UNC5D: variants seen among roughly 807,000 people sequenced by gnomAD.
UNC5D encodes netrin receptor UNC5D.
UNC5D carries 39 observed loss-of-function variants against 105.4 expected under a neutral mutation model. The observed-to-expected ratio is 0.37, with a 90% CI of 0.29 to 0.48. UNC5D has a LOEUF of 0.48. Among genes scored for constraint, UNC5D ranks in the 20% least tolerant of loss-of-function variants. The pLI, the probability that UNC5D is intolerant of heterozygous loss-of-function variation, is 0.98. For synonymous variants in UNC5D, 452 were observed against 450.4 expected, an observed-to-expected ratio of 1.00 and a Z score of -0.04; for missense variants, 991 against 1,202.4, an observed-to-expected ratio of 0.82 and a Z score of 2.60.
In UNC5D at chr8:35,748,792, G is replaced by C. The variant is rs11992734; in HGVS notation, c.1935+97G>C. On this transcript the variant is annotated intron_variant, in intron 12 of 16. Transcript: ENST00000404895. ...ATCTAACACCACAAATCAGCATTTC[G>C]TTGTTGGCAAAGGGTTGGTGGCAAG... is the stretch of plus-strand genomic sequence containing the variant. The C allele has an allele frequency of 0.022, 30,677 of 1,401,798 alleles. 2,123 individuals are homozygous for C. In the African/African-American group the frequency reaches 0.24, roughly 11 times the overall value. The allele number at this position is 1,401,798 out of a possible 1,614,324, so 86.8% of individuals were successfully genotyped here.
At chr8:35,511,136 A>G (rs922311113) in intron 1 of UNC5D, among the ~76,000 whole-genome samples, 2 of 152,194 alleles carry the variant, frequency 1.3e-5, no homozygotes, top group Non-Finnish European at 2.9e-5. Flanking sequence ...ATGTAAGAGC[A>G]GTTCTTCTTT....
At chr8:35,309,584 G>T (rs1808717642) in intron 1 of UNC5D, among the ~76,000 whole-genome samples, 1 of 152,176 alleles carries the variant, frequency 6.6e-6, no homozygotes, top group African/African-American at 2.4e-5. Flanking sequence ...AATCCCAAAG[G>T]TTAGTTGTGG....
intron 1 of UNC5D, among the ~76,000 whole-genome samples, chr8:35,385,278 T>C (rs1803313846): frequency 6.6e-6 from 1 of 152,126 alleles, no homozygotes; most frequent in South Asian, 2.1e-4. Context: ...TGTATTGATC[T>C]TCCCTAGGGC....
chr8:35,640,210 A>G (rs565458840), intron 4 of UNC5D, among the ~76,000 whole-genome samples: 2 of 152,214 alleles, frequency 1.3e-5, no homozygotes, highest in South Asian at 4.1e-4. Flanking sequence ...TGTATGTAAC[A>G]ACGTTAAACC....
chr8:35,769,626 A>T lies in UNC5D; in HGVS notation c.2478+2560A>T, dbSNP rs187976097. 3.3e-5 allele frequency among the ~76,000 whole-genome samples: 5 copies of T among 152,274 alleles called. No individual in the cohort carries two copies. The East Asian group carries it at 9.7e-4, about 29-fold the overall frequency. On this transcript the variant is annotated intron_variant, in intron 15 of 16. Coordinates refer to ENST00000404895, the MANE Select transcript of UNC5D (RefSeq NM_080872.4). Reference sequence around the variant, plus strand: ...ACCCATTTAATCCTGGGATTGTCTGACTCACAGGAAAGACACACATCTGGT... The same window carrying T: ...ACCCATTTAATCCTGGGATTGTCTGTCTCACAGGAAAGACACACATCTGGT...
chr8:35,515,048 C>T (rs916465218), intron 1 of UNC5D, among the ~76,000 whole-genome samples: 8 of 152,128 alleles, frequency 5.3e-5, no homozygotes, highest in Non-Finnish European at 4.4e-5. Context: ...GATGGATTTC[C>T]GGTGGTTAGG....
chr8:35,726,838 C>A, intron 10 of UNC5D: 1 of 331,564 alleles, frequency 3.0e-6, no homozygotes, highest in Non-Finnish European at 5.5e-6. Context: ...ATTTCCTAGG[C>A]ATGATAAGAA....
intron 1 of UNC5D, among the ~76,000 whole-genome samples, chr8:35,538,397 A>C (rs1234060203): frequency 4.3e-5 from 2 of 47,018 alleles, no homozygotes; most frequent in African/African-American, 1.4e-4. Flanking sequence ...AAAAATAATT[A>C]TATATATATA....
intron 1 of UNC5D, among the ~76,000 whole-genome samples, chr8:35,479,807 G>A (rs1258506004): frequency 6.6e-6 from 1 of 152,154 alleles, no homozygotes; most frequent in Non-Finnish European, 1.5e-5. Flanking sequence ...TAGGTTGGAA[G>A]GCTACCTATC....
At chr8:35,771,183 C>T (rs943083244) in intron 15 of UNC5D, among the ~76,000 whole-genome samples, 13 of 152,152 alleles carry the variant, frequency 8.5e-5, no homozygotes, top group African/African-American at 3.1e-4. Flanking sequence ...TATTCACCTT[C>T]AAATAAGATC....
chr8:35,395,401 A>G (rs1047892374), intron 1 of UNC5D, among the ~76,000 whole-genome samples: 14 of 152,224 alleles, frequency 9.2e-5, no homozygotes, highest in African/African-American at 3.4e-4. Flanking sequence ...GGTTAAAGAG[A>G]ACACCATTTG....
chr8:35,331,259 G>A lies in UNC5D; in HGVS notation c.103+95372G>A, dbSNP rs376872618. The stretch of plus-strand genomic sequence containing the variant: ...GGGCTTGCTTGAAGTCCAGTGGTTC[G>A]ATAAAAATTAAAACACATGAGTTCA... On this transcript the variant is annotated intron_variant, in intron 1 of 16. Transcript: ENST00000404895. 4.9e-4 allele frequency among the ~76,000 whole-genome samples: 75 copies of A among 152,230 alleles called. 1 individual carries two copies. The highest frequency in any genetic ancestry group is 1.6e-3 in the African/African-American group (68 of 41,550).
chr8:35,330,744 A>G (rs73673451), intron 1 of UNC5D, among the ~76,000 whole-genome samples: 2,185 of 152,324 alleles, frequency 0.014, 32 homozygotes, highest in African/African-American at 0.049. Flanking sequence ...GGGGGCTGCA[A>G]TGAAAAAACC....
At chr8:35,567,597 T>G (rs1817440191) in intron 2 of UNC5D, among the ~76,000 whole-genome samples, 1 of 152,222 alleles carries the variant, frequency 6.6e-6, no homozygotes, top group Admixed American at 6.5e-5. Context: ...GCCTTCGTCC[T>G]TCCTCAGATT....
Position 35,376,931 on chromosome 8 carries a change from G to A in UNC5D, c.103+141044G>A, listed in dbSNP as rs1223170224. 3.3e-5 allele frequency among the ~76,000 whole-genome samples: 5 copies of A among 152,134 alleles called. No homozygotes were observed. In the East Asian group the frequency reaches 9.7e-4, roughly 29 times the overall value. ...ATCTTTTTCATAAAAGCATCCTTGA[G>A]CCCCTCATCTCATAGTGCACTCCTT... On this transcript the variant is annotated intron_variant, in intron 1 of 16. Transcript: ENST00000404895.
At chr8:35,581,149 T>C (rs1818449129) in intron 3 of UNC5D, among the ~76,000 whole-genome samples, 2 of 152,170 alleles carry the variant, frequency 1.3e-5, no homozygotes, top group South Asian at 4.1e-4. Flanking sequence ...TGGTTTTCCT[T>C]CTTCTCATTG....
chr8:35,668,715 A>C (rs1005886971), intron 4 of UNC5D, among the ~76,000 whole-genome samples: 11 of 152,278 alleles, frequency 7.2e-5, no homozygotes, highest in Non-Finnish European at 1.5e-4. Context: ...AGAGTAGGAA[A>C]GTATAGTTTA....
chr8:35,674,223 A>C (rs561311797), intron 4 of UNC5D, among the ~76,000 whole-genome samples: 1 of 152,132 alleles, frequency 6.6e-6, no homozygotes, highest in Non-Finnish European at 1.5e-5. Flanking sequence ...CATTTTCAAA[A>C]TTTTCTTTAA....
At position 35,624,356 on chromosome 8, in the gene UNC5D, T is replaced by C. The variant is rs777495743; in HGVS notation, c.570+28699T>C. ...CGCACAGTTAGTGTGTTTGCAGTGATAAACACCAGTGTTGCACAGGTGAAG... is the reference window on the plus strand; with the variant it reads ...CGCACAGTTAGTGTGTTTGCAGTGACAAACACCAGTGTTGCACAGGTGAAG... On this transcript the variant is annotated intron_variant, in intron 4 of 16. Coordinates refer to ENST00000404895, the MANE Select transcript of UNC5D (RefSeq NM_080872.4). Among the ~76,000 whole-genome samples, 31 of 152,238 alleles carry C rather than the reference T, an allele frequency of 2.0e-4. 1 individual carries two copies. Among genetic ancestry groups the C allele is most frequent in the Non-Finnish European group, 5.9e-5 (4 of 68,042 alleles).
Sources: gnomAD v4.1 joint callset for allele counts (sites outside exome capture counted in the v4.1 genomes callset) on GRCh38, gnomAD v4.1.1 for gene constraint, MANE v1.5 for transcripts, NCBI Gene and HGNC (gene_info 2026-07-23, HGNC 2026-07-21) for gene names.